TASP1: variants seen among roughly 807,000 people sequenced by gnomAD.
The protein encoded by TASP1 is taspase 1.
A neutral mutation model predicts 56.6 loss-of-function variants in TASP1; 16 were observed. The observed-to-expected ratio is 0.28, with a 90% CI of 0.19 to 0.43. The LOEUF (loss-of-function observed/expected upper bound fraction) is 0.43. Among genes scored for constraint, TASP1 ranks in the 20% least tolerant of loss-of-function variants. The pLI, the probability that TASP1 is intolerant of heterozygous loss-of-function variation, is 1.00. For missense variants in TASP1, 393 were observed against 511.6 expected (o/e 0.77, Z 2.24); for synonymous variants, 179 against 184.2 (o/e 0.97, Z 0.23).
chr20:13,111,742 G>C, the TASP1 span, among the ~76,000 whole-genome samples: 1 of 152,198 alleles, frequency 6.6e-6, no homozygotes, highest in Non-Finnish European at 1.5e-5. Context: ...CTGAGAGAGA[G>C]CAGACTGGGC....
At chr20:13,429,581 G>A (rs779570074) in intron 12 of TASP1, among the ~76,000 whole-genome samples, 1 of 151,826 alleles carries the variant, frequency 6.6e-6, no homozygotes, top group Non-Finnish European at 1.5e-5. Context: ...TCCCATTTGT[G>A]CTATAGGAAA....
At chr20:13,446,145 A>T (rs1423814938) in intron 11 of TASP1, among the ~76,000 whole-genome samples, 1 of 152,154 alleles carries the variant, frequency 6.6e-6, no homozygotes, top group Non-Finnish European at 1.5e-5. Context: ...ATGGTCAAGC[A>T]TCCTCTCTGA....
Position 13,636,348 on chromosome 20 carries a change from C to T in TASP1, c.-75+2546G>A, listed in dbSNP as rs1181308536. ...TTTTTTTTTGTATTTTTAGTAGAGA[C>T]GGGGTTTCACTATGTTGGTCAGGCT... On this transcript the variant is annotated intron_variant, in intron 1 of 13. Transcript: ENST00000337743. Among the ~76,000 whole-genome samples, 6 of 140,686 alleles carry T rather than the reference C, an allele frequency of 4.3e-5. No homozygotes were observed. The East Asian group carries it at 8.2e-4, about 19-fold the overall frequency. 92.3% of individuals were successfully genotyped at this position (140,686 alleles called of 152,430 possible).
chr20:13,319,485 T>C, the TASP1 span, among the ~76,000 whole-genome samples: 1 of 152,014 alleles, frequency 6.6e-6, no homozygotes, highest in East Asian at 1.9e-4. Context: ...CAGGTAACAG[T>C]CACTCGGAGA....
At chr20:13,272,176 G>A in the TASP1 span, among the ~76,000 whole-genome samples, 3 of 152,096 alleles carry the variant, frequency 2.0e-5, no homozygotes, top group East Asian at 5.8e-4. Flanking sequence ...TGCTTACATA[G>A]CAGAAAGTTC....
chr20:13,234,165 G>A, the TASP1 span, among the ~76,000 whole-genome samples: 1 of 152,196 alleles, frequency 6.6e-6, no homozygotes, highest in East Asian at 1.9e-4. Context: ...CTCTTTGTAT[G>A]TCCGTGTATG....
the TASP1 span, among the ~76,000 whole-genome samples, chr20:13,160,839 A>G: frequency 2.6e-5 from 4 of 152,294 alleles, no homozygotes; most frequent in Middle Eastern, 6.8e-3. Context: ...AATATAGAAA[A>G]CTGTGGGATC....
At chr20:13,362,533 T>A in the TASP1 span, among the ~76,000 whole-genome samples, 2 of 145,530 alleles carry the variant, frequency 1.4e-5, no homozygotes, top group East Asian at 4.0e-4. Flanking sequence ...TGACTGTAAT[T>A]TTCCTTTACC....
chr20:13,233,247 C>G, the TASP1 span, among the ~76,000 whole-genome samples: 6 of 152,120 alleles, frequency 3.9e-5, no homozygotes, highest in Middle Eastern at 3.4e-3. Context: ...GAATTGGAAG[C>G]CAAGTTTATT....
the TASP1 span, among the ~76,000 whole-genome samples, chr20:13,104,804 C>T: frequency 7.2e-5 from 11 of 152,112 alleles, no homozygotes; most frequent in East Asian, 3.9e-4. Flanking sequence ...TTTTAATTTC[C>T]GTATCTCAGA....
At chr20:13,114,729 T>TC in the TASP1 span, among the ~76,000 whole-genome samples, 1 of 152,234 alleles carries the variant, frequency 6.6e-6, no homozygotes, top group Non-Finnish European at 1.5e-5. Flanking sequence ...ACTTTCTTTT[T>TC]CTCTCTTTCC....
At chr20:13,576,128 G>C (rs2046896423) in intron 6 of TASP1, among the ~76,000 whole-genome samples, 1 of 145,614 alleles carries the variant, frequency 6.9e-6, no homozygotes, top group East Asian at 2.1e-4. Flanking sequence ...CTTGAACCTA[G>C]GAAGCAGAGA....
At chr20:13,155,122 A>C in the TASP1 span, among the ~76,000 whole-genome samples, 1 of 152,212 alleles carries the variant, frequency 6.6e-6, no homozygotes, top group South Asian at 2.1e-4. Flanking sequence ...CAGAGGTTGC[A>C]TGAGCAGAGA....
the TASP1 span, among the ~76,000 whole-genome samples, chr20:13,302,543 C>T: frequency 6.6e-6 from 1 of 152,198 alleles, no homozygotes; most frequent in South Asian, 2.1e-4. Context: ...GCAGTTCACT[C>T]AGTGGGCAGT....
chr20:13,188,636 C>T, the TASP1 span, among the ~76,000 whole-genome samples: 3 of 152,040 alleles, frequency 2.0e-5, no homozygotes, highest in Non-Finnish European at 4.4e-5. Flanking sequence ...TCAATGTAAT[C>T]CCCATCAAAT....
the TASP1 span, among the ~76,000 whole-genome samples, chr20:13,202,376 A>G: frequency 6.6e-6 from 1 of 152,226 alleles, no homozygotes; most frequent in African/African-American, 2.4e-5. Flanking sequence ...TAAAGAGGAA[A>G]TAAGTTTTGA....
At chr20:13,576,394 A>AAAGAAAGAAAGT (rs774830810) in intron 6 of TASP1, among the ~76,000 whole-genome samples, 121 of 147,242 alleles carry the variant, frequency 8.2e-4, no homozygotes, top group Admixed American at 1.2e-3. Flanking sequence ...AGAAAGAAAG[A>AAAGAAAGAAAGT]AAGTCAGTCT....
the TASP1 span, among the ~76,000 whole-genome samples, chr20:13,265,353 C>T: frequency 6.6e-6 from 1 of 152,108 alleles, no homozygotes. Context: ...TTTATAATAC[C>T]TACCTCAAAT....
intron 11 of TASP1, among the ~76,000 whole-genome samples, chr20:13,456,304 A>G (rs552768709): frequency 6.6e-6 from 1 of 152,176 alleles, no homozygotes; most frequent in Admixed American, 6.5e-5. Flanking sequence ...TTAGCAGAAA[A>G]ATGCCTAGGA....
Sources: gnomAD v4.1 joint callset for allele counts (sites outside exome capture counted in the v4.1 genomes callset) on GRCh38, gnomAD v4.1.1 for gene constraint, MANE v1.5 for transcripts, NCBI Gene and HGNC (gene_info 2026-07-23, HGNC 2026-07-21) for gene names.